The following ENOX1 variants were observed in gnomAD, a reference collection of about 807,000 sequenced individuals.
ENOX1 encodes ecto-NOX disulfide-thiol exchanger 1, also known as candidate growth-related and time keeping constitutive hydroquinone (NADH) oxidase.
A neutral mutation model predicts 82.5 loss-of-function variants in ENOX1; 42 were observed. The ratio of observed to expected loss-of-function variants is 0.51; its 90% CI spans 0.40 to 0.66. The LOEUF (loss-of-function observed/expected upper bound fraction) is 0.66. Among genes scored for constraint, ENOX1 ranks in the 30% least tolerant of loss-of-function variants. The pLI is 0.00. For missense variants in ENOX1, 608 were observed against 811.6 expected, an observed-to-expected ratio of 0.75 and a Z score of 3.05; for synonymous variants, 271 against 282.2, an observed-to-expected ratio of 0.96 and a Z score of 0.40.
chr13:43,584,587 G>A (rs2080894962), intron 2 of ENOX1, among the ~76,000 whole-genome samples: 2 of 152,156 alleles, frequency 1.3e-5, no homozygotes, highest in South Asian at 4.2e-4. Flanking sequence ...AACCACTGTT[G>A]ATACACTTCT....
At chr13:43,250,959 G>C (rs2043420663) in intron 14 of ENOX1, among the ~76,000 whole-genome samples, 1 of 152,208 alleles carries the variant, frequency 6.6e-6, no homozygotes, top group African/African-American at 2.4e-5. Flanking sequence ...CCACAGACTG[G>C]TAACACTGGC....
intron 1 of ENOX1, among the ~76,000 whole-genome samples, chr13:43,712,334 A>G (rs1039589152): frequency 6.6e-5 from 10 of 151,350 alleles, no homozygotes; most frequent in Admixed American, 1.3e-4. Flanking sequence ...GCCTTGTAGT[A>G]TAGTTTGAAG....
chr13:43,370,738 C>A (rs2051181564), intron 5 of ENOX1, among the ~76,000 whole-genome samples: 1 of 152,200 alleles, frequency 6.6e-6, no homozygotes, highest in Non-Finnish European at 1.5e-5. Context: ...GTAACCACAT[C>A]TAGTGACCTG....
intron 12 of ENOX1, among the ~76,000 whole-genome samples, chr13:43,296,127 T>A (rs1364921597): frequency 6.6e-6 from 1 of 152,232 alleles, no homozygotes; most frequent in Admixed American, 6.5e-5. Context: ...CTACTACGTG[T>A]CTGTTATGGA....
intron 1 of ENOX1, among the ~76,000 whole-genome samples, chr13:43,725,522 A>C (rs975963939): frequency 5.9e-5 from 9 of 152,134 alleles, no homozygotes; most frequent in African/African-American, 2.2e-4. Context: ...CAAGAGCTGG[A>C]TGCATGAATT....
chr13:43,699,101 G>A (rs1370608873), intron 1 of ENOX1, among the ~76,000 whole-genome samples: 1 of 152,130 alleles, frequency 6.6e-6, no homozygotes, highest in African/African-American at 2.4e-5. Flanking sequence ...ACCTTGTAAA[G>A]GACAAAAAAT....
intron 2 of ENOX1, among the ~76,000 whole-genome samples, chr13:43,635,712 G>A (rs1360076705): frequency 2.0e-5 from 3 of 152,034 alleles, no homozygotes; most frequent in African/African-American, 7.3e-5. Context: ...GGAAAGGAAG[G>A]GCCACAACTT....
chr13:43,529,953 T>A (rs2078140972), intron 2 of ENOX1, among the ~76,000 whole-genome samples: 1 of 152,122 alleles, frequency 6.6e-6, no homozygotes, highest in Non-Finnish European at 1.5e-5. Context: ...ACCTGTCCAA[T>A]CCAGGTAGTC....
At chr13:43,525,453 A>G (rs980610093) in intron 2 of ENOX1, among the ~76,000 whole-genome samples, 15 of 152,138 alleles carry the variant, frequency 9.9e-5, no homozygotes, top group African/African-American at 3.4e-4. Context: ...ACTTAACATA[A>G]TATTCTCAAG....
chr13:43,531,235 A>C (rs896064196), intron 2 of ENOX1, among the ~76,000 whole-genome samples: 15 of 152,100 alleles, frequency 9.9e-5, no homozygotes, highest in African/African-American at 3.6e-4. Flanking sequence ...CAAGAAAAAA[A>C]CAAACAACCC....
intron 2 of ENOX1, among the ~76,000 whole-genome samples, chr13:43,652,327 C>T (rs2084230791): frequency 6.6e-6 from 1 of 152,120 alleles, no homozygotes; most frequent in East Asian, 1.9e-4. Flanking sequence ...AACACAGAGG[C>T]CCTAACTTAA....
intron 3 of ENOX1, among the ~76,000 whole-genome samples, chr13:43,419,292 T>TA (rs1440796278): frequency 5.3e-5 from 8 of 152,136 alleles, no homozygotes; most frequent in Admixed American, 5.2e-4. Flanking sequence ...CTAATATCTA[T>TA]AATCCACTTT....
chr13:43,371,201 G>T (rs9594932), intron 5 of ENOX1, among the ~76,000 whole-genome samples: 6,758 of 152,262 alleles, frequency 0.044, 515 homozygotes, highest in African/African-American at 0.15. Flanking sequence ...TAGCTGACAA[G>T]CTTATGGTGC....
At chr13:43,611,823 G>A (rs1317041027) in intron 2 of ENOX1, among the ~76,000 whole-genome samples, 1 of 152,196 alleles carries the variant, frequency 6.6e-6, no homozygotes, top group African/African-American at 2.4e-5. Flanking sequence ...TGGCTGAGAG[G>A]CCTAGGCTTG....
At chr13:43,557,530 G>T (rs1047073607) in intron 2 of ENOX1, among the ~76,000 whole-genome samples, 1 of 152,136 alleles carries the variant, frequency 6.6e-6, no homozygotes. Context: ...TATCTTCCTG[G>T]TCTAAATGGA....
chr13:43,570,276 A>AAAGGGGT (rs1203154529), intron 2 of ENOX1, among the ~76,000 whole-genome samples: 6 of 152,156 alleles, frequency 3.9e-5, no homozygotes, highest in Non-Finnish European at 7.3e-5. Flanking sequence ...TAGAGTTAGG[A>AAAGGGGT]AAGGGGTTTG....
At chr13:43,727,971 A>G (rs1441288876) in intron 1 of ENOX1, among the ~76,000 whole-genome samples, 1 of 152,148 alleles carries the variant, frequency 6.6e-6, no homozygotes, top group African/African-American at 2.4e-5. Context: ...AGCTTCCCCA[A>G]CGCTATTTTC....
chr13:43,407,550 G>T (rs372123570), intron 5 of ENOX1, among the ~76,000 whole-genome samples: 3 of 152,084 alleles, frequency 2.0e-5, no homozygotes, highest in African/African-American at 7.2e-5. Flanking sequence ...TTTAAGCCCC[G>T]CATGCATTAG....
intron 1 of ENOX1, among the ~76,000 whole-genome samples, chr13:43,694,434 T>C (rs2086530658): frequency 6.6e-6 from 1 of 152,216 alleles, no homozygotes; most frequent in Non-Finnish European, 1.5e-5. Flanking sequence ...CTGCACTGGG[T>C]CTGGCTTAGC....
Sources: allele counts gnomAD v4.1 joint callset (sites outside exome capture counted in the v4.1 genomes callset), GRCh38; gene constraint gnomAD v4.1.1; transcripts MANE v1.5; gene names NCBI Gene and HGNC (gene_info 2026-07-23, HGNC 2026-07-21).